ULK4: variants seen among roughly 807,000 people sequenced by gnomAD.
The protein encoded by ULK4 is unc-51 like kinase 4, also known as inactive serine/threonine-protein kinase ULK4.
In ULK4, 133 loss-of-function variants were observed where a neutral mutation model predicts 160.6. The ratio of observed to expected loss-of-function variants is 0.83; its 90% CI spans 0.72 to 0.96. ULK4 has a LOEUF of 0.96. Ranked by LOEUF, ULK4 falls within the 40% of genes least tolerant of loss-of-function variation. The pLI, the probability that ULK4 is intolerant of heterozygous loss-of-function variation, is 0.00. For synonymous variants in ULK4, 534 were observed against 539.8 expected, an observed-to-expected ratio of 0.99 and a Z score of 0.15; for missense variants, 1,580 against 1,499.5, an observed-to-expected ratio of 1.05 and a Z score of -0.89.
chr3:41,329,747 C>T (rs1461756938), intron 35 of ULK4, among the ~76,000 whole-genome samples: 1 of 152,088 alleles, frequency 6.6e-6, no homozygotes, highest in Non-Finnish European at 1.5e-5. Context: ...TAGATTGTTT[C>T]CAAGTTTTCA....
intron 35 of ULK4, among the ~76,000 whole-genome samples, chr3:41,307,310 G>C (rs534144193): frequency 2.6e-5 from 4 of 152,290 alleles, no homozygotes; most frequent in Admixed American, 6.5e-5. Context: ...AAAAAGGGCT[G>C]TGCCTGGATG....
intron 30 of ULK4, among the ~76,000 whole-genome samples, chr3:41,621,621 G>T (rs557560786): frequency 1.9e-4 from 29 of 152,198 alleles, no homozygotes; most frequent in African/African-American, 6.7e-4. Context: ...ACTCGAGATG[G>T]ACTATATAGT....
intron 17 of ULK4, among the ~76,000 whole-genome samples, chr3:41,847,574 A>G (rs1336135487): frequency 2.6e-5 from 4 of 152,222 alleles, no homozygotes; most frequent in African/African-American, 7.2e-5. Context: ...AACCCCTGAA[A>G]TAAGAGGCAT....
chr3:41,802,055 A>C (rs2040477687), intron 19 of ULK4, among the ~76,000 whole-genome samples: 2 of 152,200 alleles, frequency 1.3e-5, no homozygotes, highest in African/African-American at 4.8e-5. Context: ...TATGCACAAA[A>C]ATAACATCTT....
intron 31 of ULK4, among the ~76,000 whole-genome samples, chr3:41,573,720 C>T (rs976830977): frequency 1.3e-5 from 2 of 152,244 alleles, no homozygotes; most frequent in South Asian, 4.1e-4. Flanking sequence ...TTTCAGAAAA[C>T]AAATTTACTG....
At chr3:41,247,695 G>A (rs181575184) in intron 36 of ULK4, among the ~76,000 whole-genome samples, 194 of 152,274 alleles carry the variant, frequency 1.3e-3, no homozygotes, top group South Asian at 3.1e-3. Context: ...CCTGCTCTGC[G>A]CATCAAAGCC....
intron 34 of ULK4, among the ~76,000 whole-genome samples, chr3:41,452,388 C>T (rs1344778095): frequency 6.6e-6 from 1 of 152,106 alleles, no homozygotes; most frequent in Admixed American, 6.5e-5. Flanking sequence ...AAGCAGATTC[C>T]TCCAGGAGAG....
intron 17 of ULK4, among the ~76,000 whole-genome samples, chr3:41,855,359 C>T (rs1360288434): frequency 1.3e-5 from 2 of 152,216 alleles, no homozygotes; most frequent in African/African-American, 4.8e-5. Flanking sequence ...AATCCAGGTA[C>T]TGCCACACTG....
intron 31 of ULK4, among the ~76,000 whole-genome samples, chr3:41,590,461 CAA>C (rs71075479): frequency 8.8e-5 from 5 of 56,880 alleles, no homozygotes; most frequent in African/African-American, 3.4e-4. Context: ...ACTAAAAATA[CAA>C]AAAAAAAAAA....
rs370682762 is a variant in ULK4, at chr3:41,649,253, C to T, written c.3071+14354G>A. 2.8e-4 allele frequency among the ~76,000 whole-genome samples: 42 copies of T among 152,234 alleles called. 3 individuals are homozygous for T. In the South Asian group the frequency reaches 5.2e-3, roughly 19 times the overall value. On this transcript the variant is annotated intron_variant, in intron 30 of 36. Transcript: ENST00000301831. Reference sequence around the variant, plus strand: ...GATGGCAGCAGCGGCCCATTTGGAGCGGCCTCTCCAAAGATGCCAGCTGTA... The same window carrying T: ...GATGGCAGCAGCGGCCCATTTGGAGTGGCCTCTCCAAAGATGCCAGCTGTA...
chr3:41,564,013 C>A (rs1272682816), intron 32 of ULK4, among the ~76,000 whole-genome samples: 1 of 152,120 alleles, frequency 6.6e-6, no homozygotes, highest in Non-Finnish European at 1.5e-5. Flanking sequence ...TACCTTTGTT[C>A]TTTGATATTG....
intron 18 of ULK4, among the ~76,000 whole-genome samples, chr3:41,819,996 G>A (rs138723181): frequency 7.4e-4 from 112 of 152,108 alleles, no homozygotes; most frequent in Middle Eastern, 3.4e-3. Context: ...CAAATAAGCG[G>A]GTACACTGAT....
intron 32 of ULK4, among the ~76,000 whole-genome samples, chr3:41,540,110 T>C (rs1220169734): frequency 6.6e-6 from 1 of 152,156 alleles, no homozygotes. Context: ...GGGGTACAAG[T>C]GCAGAATGTG....
At chr3:41,691,359 T>A (rs897689737) in intron 27 of ULK4, among the ~76,000 whole-genome samples, 1 of 151,888 alleles carries the variant, frequency 6.6e-6, no homozygotes, top group African/African-American at 2.4e-5. Flanking sequence ...AACCACAAAC[T>A]TGAGTCTCTC....
At chr3:41,464,516 T>C (rs140024360) in intron 32 of ULK4, among the ~76,000 whole-genome samples, 2 of 152,300 alleles carry the variant, frequency 1.3e-5, no homozygotes, top group African/African-American at 4.8e-5. Context: ...TCATCAATGA[T>C]ACATAGTGCA....
intron 32 of ULK4, among the ~76,000 whole-genome samples, chr3:41,550,430 G>GTAAAA (rs2087018043): frequency 6.6e-6 from 1 of 151,476 alleles, no homozygotes; most frequent in Admixed American, 6.6e-5. Flanking sequence ...TAAACTTAAA[G>GTAAAA]GTATGGAAAA....
At chr3:41,332,731 G>A (rs2080472593) in intron 35 of ULK4, among the ~76,000 whole-genome samples, 1 of 151,998 alleles carries the variant, frequency 6.6e-6, no homozygotes. Flanking sequence ...TGAGGTTTGG[G>A]GTATGATTGA....
At chr3:41,916,216 G>A (rs1412806143) in intron 7 of ULK4, among the ~76,000 whole-genome samples, 164 bp from the exon 8 acceptor site, 1 of 152,108 alleles carries the variant, frequency 6.6e-6, no homozygotes, top group Non-Finnish European at 1.5e-5. Context: ...TCTATTTAAT[G>A]GGGCAGGATG....
At chr3:41,589,740 C>G (rs1352934752) in intron 31 of ULK4, among the ~76,000 whole-genome samples, 2 of 152,070 alleles carry the variant, frequency 1.3e-5, no homozygotes, top group Non-Finnish European at 2.9e-5. Flanking sequence ...ATCCAACACT[C>G]TTTAGAAAAA....
Sources: gnomAD v4.1 joint callset for allele counts (sites outside exome capture counted in the v4.1 genomes callset) on GRCh38, gnomAD v4.1.1 for gene constraint, MANE v1.5 for transcripts, NCBI Gene and HGNC (gene_info 2026-07-23, HGNC 2026-07-21) for gene names.